Variants in ANKS1B observed in about 807,000 individuals in gnomAD.
The protein encoded by ANKS1B is ankyrin repeat and sterile alpha motif domain-containing protein 1B.
Under a neutral mutation model 148.3 loss-of-function variants are expected in ANKS1B, and 36 were observed. That is an observed-to-expected ratio of 0.24 (90% CI 0.19 to 0.32). The LOEUF is 0.32. ANKS1B is among the 10% of genes least tolerant of loss of function. ANKS1B has a pLI of 1.00. For missense variants in ANKS1B, 1,157 were observed against 1,542.6 expected, an observed-to-expected ratio of 0.75 and a Z score of 4.19; for synonymous variants, 542 against 560.8, an observed-to-expected ratio of 0.97 and a Z score of 0.47.
chr12:99,139,137 G>A (rs985868084), intron 15 of ANKS1B, among the ~76,000 whole-genome samples: 2 of 151,412 alleles, frequency 1.3e-5, no homozygotes, highest in East Asian at 2.0e-4. Flanking sequence ...AAGCTGCTGG[G>A]ACTATAGGCC....
At chr12:99,133,304 C>T (rs537408048) in intron 15 of ANKS1B, among the ~76,000 whole-genome samples, 10 of 152,200 alleles carry the variant, frequency 6.6e-5, no homozygotes, top group East Asian at 3.9e-4. Flanking sequence ...CCACCTGCCT[C>T]GGCCTCCCAA....
chr12:99,462,420 C>G (rs2095995486), intron 10 of ANKS1B, among the ~76,000 whole-genome samples: 1 of 152,208 alleles, frequency 6.6e-6, no homozygotes, highest in Non-Finnish European at 1.5e-5. Flanking sequence ...ATTGAGACTT[C>G]ATCACAGCCT....
intron 9 of ANKS1B, among the ~76,000 whole-genome samples, chr12:99,567,623 G>T (rs2097409775): frequency 6.6e-6 from 1 of 152,110 alleles, no homozygotes; most frequent in Non-Finnish European, 1.5e-5. Flanking sequence ...TCCCTAAAAG[G>T]TTCTCAACAT....
chr12:98,820,689 A>G (rs1314716200), intron 19 of ANKS1B, among the ~76,000 whole-genome samples: 2 of 152,244 alleles, frequency 1.3e-5, no homozygotes, highest in Non-Finnish European at 2.9e-5. Context: ...AACATCCTTT[A>G]ATTTTTAAAA....
At chr12:99,938,520 C>T (rs894599249) in intron 1 of ANKS1B, among the ~76,000 whole-genome samples, 15 of 152,122 alleles carry the variant, frequency 9.9e-5, no homozygotes, top group African/African-American at 2.7e-4. Flanking sequence ...TATTGTTATA[C>T]AACAATAGAT....
At chr12:99,175,614 T>C (rs937468707) in intron 14 of ANKS1B, among the ~76,000 whole-genome samples, 1 of 152,210 alleles carries the variant, frequency 6.6e-6, no homozygotes, top group African/African-American at 2.4e-5. Context: ...AATCTTTTTT[T>C]ATACTTACTC....
intron 9 of ANKS1B, among the ~76,000 whole-genome samples, chr12:99,518,688 T>C (rs1220205248): frequency 6.6e-6 from 1 of 152,104 alleles, no homozygotes; most frequent in Non-Finnish European, 1.5e-5. Context: ...CTTTTTGTTT[T>C]ACTGATATCT....
chr12:98,845,723 CT>C (rs79874270), intron 17 of ANKS1B, among the ~76,000 whole-genome samples: 8,132 of 141,720 alleles, frequency 0.057, 212 homozygotes, highest in East Asian at 0.098. Flanking sequence ...ATAATTAAAA[CT>C]TTTTTTTTTT....
At chr12:99,761,190 C>T (rs969728627) in intron 8 of ANKS1B, among the ~76,000 whole-genome samples, 1 of 151,490 alleles carries the variant, frequency 6.6e-6, no homozygotes, top group African/African-American at 2.4e-5. Context: ...TGAACTCCTC[C>T]CTAACTCATG....
At chr12:99,344,953 G>A (rs571278536) in intron 12 of ANKS1B, 1 of 152,088 alleles carries the variant, frequency 6.6e-6, no homozygotes, top group East Asian at 1.9e-4. Flanking sequence ...GGCTTGCAAA[G>A]AAGAAAAGCA....
intron 17 of ANKS1B, among the ~76,000 whole-genome samples, chr12:98,842,964 T>C (rs2099416190): frequency 6.6e-6 from 1 of 152,220 alleles, no homozygotes; most frequent in Admixed American, 6.5e-5. Flanking sequence ...GTTTATGCTT[T>C]CTAAGTACTT....
intron 11 of ANKS1B, among the ~76,000 whole-genome samples, chr12:99,408,094 A>G (rs2094575097): frequency 6.8e-6 from 1 of 146,262 alleles, no homozygotes; most frequent in African/African-American, 2.6e-5. Context: ...CCTGACTTCA[A>G]GTTATACTAC....
chr12:99,939,331 C>A (rs1327293980), intron 1 of ANKS1B, among the ~76,000 whole-genome samples: 2 of 152,122 alleles, frequency 1.3e-5, no homozygotes, highest in Non-Finnish European at 2.9e-5. Flanking sequence ...CTCAAGCAAT[C>A]CTCCCACCTC....
chr12:99,435,530 C>T (rs1166053234), intron 11 of ANKS1B, among the ~76,000 whole-genome samples: 1 of 151,950 alleles, frequency 6.6e-6, no homozygotes, highest in African/African-American at 2.4e-5. Context: ...GATCTAATCA[C>T]CATTATAATA....
Position 99,738,529 on chromosome 12 carries a change from G to T in ANKS1B, c.1128+34393C>A, listed in dbSNP as rs77558389. Reference sequence around the variant, plus strand: ...CCCTGTAATTATCTTCCATTTCTTTGAGAGTTTGCTTTCTAAATAAATCTG... The same window carrying T: ...CCCTGTAATTATCTTCCATTTCTTTTAGAGTTTGCTTTCTAAATAAATCTG... On this transcript the variant is annotated intron_variant, in intron 8 of 26. Coordinates refer to ENST00000683438, the MANE Select transcript of ANKS1B (RefSeq NM_001352186.2). Among the ~76,000 whole-genome samples, 721 of 152,180 alleles carry T rather than the reference G, an allele frequency of 4.7e-3. 6 individuals carry two copies. Among genetic ancestry groups the T allele is most frequent in the African/African-American group, 0.016 (678 of 41,534 alleles).
At chr12:99,368,528 A>C (rs2092912654) in intron 12 of ANKS1B, among the ~76,000 whole-genome samples, 1 of 152,138 alleles carries the variant, frequency 6.6e-6, no homozygotes. Context: ...GAGACAATAT[A>C]AGATCAAAGT....
At chr12:99,840,162 G>A (rs966520912) in intron 1 of ANKS1B, among the ~76,000 whole-genome samples, 6 of 152,130 alleles carry the variant, frequency 3.9e-5, no homozygotes, top group African/African-American at 1.4e-4. Context: ...AGAAAGGCAA[G>A]AGGAACAGAG....
chr12:99,953,173 A>G (rs1167770338), intron 1 of ANKS1B, among the ~76,000 whole-genome samples: 1 of 152,248 alleles, frequency 6.6e-6, no homozygotes, highest in East Asian at 1.9e-4. Context: ...ATATTTAGAA[A>G]TGCCTAAGCT....
Position 98,745,652 on chromosome 12 carries a change from G to A in ANKS1B, c.*87C>T. 1.3e-6 allele frequency: 2 copies of A among 1,555,600 alleles called. No homozygotes were observed. The highest frequency in any genetic ancestry group is 1.7e-6 in the Non-Finnish European group (2 of 1,150,024). On this transcript the variant is annotated 3_prime_UTR_variant, in exon 27 of 27. Transcript: ENST00000683438. ...ACGCTCAGAGCAGTCTTCCTCCTGGGCTGGGTGGACGCGGAGGCGCGAAGG... is the reference window on the plus strand; with the variant it reads ...ACGCTCAGAGCAGTCTTCCTCCTGGACTGGGTGGACGCGGAGGCGCGAAGG...
Sources: allele counts gnomAD v4.1 joint callset (sites outside exome capture counted in the v4.1 genomes callset), GRCh38; gene constraint gnomAD v4.1.1; transcripts MANE v1.5; gene names NCBI Gene and HGNC (gene_info 2026-07-23, HGNC 2026-07-21).